PCDH9: variants seen among roughly 807,000 people sequenced by gnomAD.
PCDH9 encodes the protein protocadherin-9.
PCDH9 carries 24 observed loss-of-function variants against 70.6 expected under a neutral mutation model. That is an observed-to-expected ratio of 0.34 (90% CI 0.25 to 0.48). PCDH9 has a LOEUF of 0.48. PCDH9 is among the 20% of genes least tolerant of loss of function. The pLI is 0.99. For missense variants in PCDH9, 1,281 were observed against 1,503.6 expected (o/e 0.85, Z 2.45); for synonymous variants, 562 against 558.5 (o/e 1.01, Z -0.09).
chr13:67,092,301 T>C (rs1292153292), intron 2 of PCDH9, among the ~76,000 whole-genome samples: 1 of 152,186 alleles, frequency 6.6e-6, no homozygotes. Context: ...CCCTGGCAGA[T>C]TTTTAAAAAA....
chr13:66,969,850 A>C (rs1359597293), intron 2 of PCDH9, among the ~76,000 whole-genome samples: 2 of 152,050 alleles, frequency 1.3e-5, no homozygotes, highest in African/African-American at 2.4e-5. Context: ...TCGAAGCACA[A>C]TTAGCTGCTT....
At chr13:66,584,470 A>C (rs926983171) in intron 4 of PCDH9, among the ~76,000 whole-genome samples, 3 of 152,160 alleles carry the variant, frequency 2.0e-5, no homozygotes, top group Admixed American at 2.0e-4. Flanking sequence ...AGTTGCTAAA[A>C]TATTGAACAA....
chr13:67,182,089 T>C (rs2088631849), intron 2 of PCDH9, among the ~76,000 whole-genome samples: 1 of 152,144 alleles, frequency 6.6e-6, no homozygotes, highest in Admixed American at 6.6e-5. Context: ...CAGTTTCAAG[T>C]TTCAGGGCAT....
intron 4 of PCDH9, among the ~76,000 whole-genome samples, chr13:66,476,781 G>A (rs1958739462): frequency 2.0e-5 from 3 of 151,922 alleles, no homozygotes; most frequent in Non-Finnish European, 4.4e-5. Flanking sequence ...GTTATCAGGA[G>A]ACTAATATCC....
intron 2 of PCDH9, among the ~76,000 whole-genome samples, chr13:67,124,380 C>T (rs1337124945): frequency 2.0e-5 from 3 of 151,794 alleles, no homozygotes; most frequent in Non-Finnish European, 2.9e-5. Flanking sequence ...TTAGTGAATA[C>T]CCAATATGTA....
intron 3 of PCDH9, among the ~76,000 whole-genome samples, chr13:66,658,653 G>C (rs994980711): frequency 1.3e-5 from 2 of 151,998 alleles, no homozygotes; most frequent in African/African-American, 4.8e-5. Flanking sequence ...ATACATTCTA[G>C]GTTCAGGACA....
intron 2 of PCDH9, chr13:67,212,184 T>C (rs1185985658): frequency 6.6e-6 from 1 of 152,130 alleles, no homozygotes; most frequent in East Asian, 1.9e-4. Flanking sequence ...AACCAAAGGA[T>C]AAATTTAAAC....
intron 4 of PCDH9, among the ~76,000 whole-genome samples, chr13:66,445,538 ATT>A (rs1394898793): frequency 3.1e-4 from 45 of 143,930 alleles, no homozygotes; most frequent in Non-Finnish European, 4.7e-4. Flanking sequence ...ACACATATAT[ATT>A]ATATATACAC....
At chr13:67,092,761 G>A (rs2086243627) in intron 2 of PCDH9, among the ~76,000 whole-genome samples, 1 of 152,102 alleles carries the variant, frequency 6.6e-6, no homozygotes, top group African/African-American at 2.4e-5. Flanking sequence ...AGGAACCAGA[G>A]ATTTTACTTT....
chr13:66,600,382 A>AT (rs1044160372), intron 4 of PCDH9, among the ~76,000 whole-genome samples: 1 of 151,868 alleles, frequency 6.6e-6, no homozygotes, highest in Non-Finnish European at 1.5e-5. Flanking sequence ...TTTCAACTAT[A>AT]TTTTTTCTAG....
At chr13:66,735,759 T>A (rs2079138835) in intron 3 of PCDH9, among the ~76,000 whole-genome samples, 4 of 151,196 alleles carry the variant, frequency 2.6e-5, no homozygotes, top group South Asian at 2.1e-4. Flanking sequence ...AGGTAAGGAG[T>A]TCAAGACCAG....
At chr13:66,950,114 T>C (rs970343922) in intron 2 of PCDH9, among the ~76,000 whole-genome samples, 1 of 152,078 alleles carries the variant, frequency 6.6e-6, no homozygotes, top group African/African-American at 2.4e-5. Context: ...TTAAATTAAG[T>C]GATATATAGT....
intron 3 of PCDH9, among the ~76,000 whole-genome samples, chr13:66,846,267 A>G (rs1434314151): frequency 6.6e-6 from 1 of 152,188 alleles, no homozygotes; most frequent in Non-Finnish European, 1.5e-5. Flanking sequence ...AACACGTAAT[A>G]CCTTTTCAAT....
In PCDH9 at chr13:66,467,990, C is replaced by T. The variant is rs549755198; in HGVS notation, c.3341-162962G>A. Among the ~76,000 whole-genome samples the T allele has an allele frequency of 4.5e-4, 69 of 152,090 alleles. No individual in the cohort carries two copies. The South Asian group carries it at 9.6e-3, about 21-fold the overall frequency. On this transcript the variant is annotated intron_variant, in intron 4 of 4. Transcript: ENST00000377865. Reference sequence around the variant, plus strand: ...ACCTAGTAACACTTTGTCATCTGCCCCCTTTTCTTCCTGAAGTCTCCTAAA... The same window carrying T: ...ACCTAGTAACACTTTGTCATCTGCCTCCTTTTCTTCCTGAAGTCTCCTAAA...
chr13:66,316,909 G>T (rs1955663193), intron 4 of PCDH9, among the ~76,000 whole-genome samples: 1 of 152,040 alleles, frequency 6.6e-6, no homozygotes, highest in Non-Finnish European at 1.5e-5. Context: ...TTTTAGTAGA[G>T]ATGGGGTTTC....
At chr13:67,178,588 G>GT (rs551039204) in intron 2 of PCDH9, among the ~76,000 whole-genome samples, 14 of 151,950 alleles carry the variant, frequency 9.2e-5, no homozygotes, top group Non-Finnish European at 2.1e-4. Context: ...TTTTGTCTGT[G>GT]TATGTAGTAG....
At chr13:66,707,866 G>T (rs1417404914) in intron 3 of PCDH9, among the ~76,000 whole-genome samples, 1 of 152,050 alleles carries the variant, frequency 6.6e-6, no homozygotes, top group Non-Finnish European at 1.5e-5. Context: ...GATAGGCCAG[G>T]ATAAGCACTT....
At chr13:66,843,181 C>T (rs987869502) in intron 3 of PCDH9, among the ~76,000 whole-genome samples, 2 of 152,096 alleles carry the variant, frequency 1.3e-5, no homozygotes, top group Non-Finnish European at 2.9e-5. Context: ...TACTGTATTC[C>T]CTGCTTTGAG....
At chr13:66,413,861 A>T (rs1957416498) in intron 4 of PCDH9, among the ~76,000 whole-genome samples, 1 of 152,090 alleles carries the variant, frequency 6.6e-6, no homozygotes, top group African/African-American at 2.4e-5. Flanking sequence ...CCAGCAAAAA[A>T]TGTATGGCCT....
Sources: gnomAD v4.1 joint callset for allele counts (sites outside exome capture counted in the v4.1 genomes callset) on GRCh38, gnomAD v4.1.1 for gene constraint, MANE v1.5 for transcripts, NCBI Gene and HGNC (gene_info 2026-07-23, HGNC 2026-07-21) for gene names.